Variants in GJA1 observed in about 807,000 individuals in gnomAD.
GJA1 encodes gap junction protein alpha 1, also known as gap junction alpha-1 protein.
In GJA1, 9 loss-of-function variants were observed where a neutral mutation model predicts 31.0. The ratio of observed to expected loss-of-function variants is 0.29; its 90% CI spans 0.17 to 0.51. The LOEUF is 0.51. Ranked by LOEUF, GJA1 falls within the 20% of genes least tolerant of loss-of-function variation. The pLI is 0.98. For missense variants in GJA1, 278 were observed against 468.8 expected (o/e 0.59, Z 3.76); for synonymous variants, 186 against 180.1 (o/e 1.03, Z -0.26).
rs2114284104 is a variant in GJA1, at chr6:121,447,575, A to G, written c.728A>G (p.Lys243Arg). The change falls in exon 2 of 2, where the codon AAG becomes AGG. Residue 243 changes from lysine to arginine, a missense_variant. Transcript: ENST00000282561. ...GGCGTTAAGGATCGGGTTAAGGGAA[A>G]GAGCGACCCTTACCATGCGACCAGT... ...FKGVKDRVKGKSDPYHATSGA... is the reference protein window; with the variant it reads ...FKGVKDRVKGRSDPYHATSGA... 4.3e-6 allele frequency: 7 copies of G among 1,614,080 alleles called. No individual in the cohort carries two copies. Among genetic ancestry groups the G allele is most frequent in the Non-Finnish European group, 5.9e-6 (7 of 1,179,982 alleles).
At chr6:121,436,184 T>TGGGGGG (rs11333433) in intron 1 of GJA1, among the ~76,000 whole-genome samples, 2 of 29,888 alleles carry the variant, frequency 6.7e-5, no homozygotes, top group Non-Finnish European at 1.5e-4. Context: ...ATTTGTTGGG[T>TGGGGGG]GGGGGGGGGG....
chr6:121,440,063 A>G (rs1773743045), intron 1 of GJA1, among the ~76,000 whole-genome samples: 1 of 152,174 alleles, frequency 6.6e-6, no homozygotes, highest in African/African-American at 2.4e-5. Context: ...GCCTTCCCCG[A>G]TATTTATCAT....
rs781504444 is a variant in GJA1 at position 121,447,632 on chromosome 6, C to G, written c.785C>G (p.Ser262Cys). ...GALSPAKDCG[S>C]QKYAYFNGCS... Reference sequence around the variant, plus strand: ...CTGAGCCCTGCCAAAGACTGTGGGTCTCAAAAATATGCTTATTTCAATGGC... The same window carrying G: ...CTGAGCCCTGCCAAAGACTGTGGGTGTCAAAAATATGCTTATTTCAATGGC... The change falls in exon 2 of 2, where the codon TCT (serine) becomes TGT (cysteine). Residue 262 changes from serine (S) to cysteine (C), a missense_variant. Coordinates refer to ENST00000282561, the MANE Select transcript of GJA1 (RefSeq NM_000165.5). 1.2e-6 allele frequency: 2 copies of G among 1,613,978 alleles called. No individual in the cohort carries two copies. Among genetic ancestry groups the G allele is most frequent in the Non-Finnish European group, 1.7e-6 (2 of 1,179,964 alleles).
intron 1 of GJA1, among the ~76,000 whole-genome samples, chr6:121,438,358 CCTT>C (rs1773704850): frequency 6.6e-6 from 1 of 152,176 alleles, no homozygotes; most frequent in African/African-American, 2.4e-5. Flanking sequence ...CTGTCACCCT[CCTT>C]GGGAAACATG....
chr6:121,436,745 C>T (rs1220442991), intron 1 of GJA1, among the ~76,000 whole-genome samples: 4 of 152,186 alleles, frequency 2.6e-5, no homozygotes, highest in Non-Finnish European at 4.4e-5. Flanking sequence ...GGAGCTCCCC[C>T]CGCCAACACC....
In GJA1 at chr6:121,447,779, C is replaced by T; in HGVS notation, c.932C>T (p.Ala311Val). Reference protein sequence around the residue: ...YNKQASEQNWANYSAEQNRMG... With the variant: ...YNKQASEQNWVNYSAEQNRMG... ...AAGCAAGCAAGTGAGCAAAACTGGG[C>T]TAATTACAGTGCAGAACAAAATCGA... The change falls in exon 2 of 2, where the codon GCT (alanine) becomes GTT (valine). Residue 311 changes from alanine (A) to valine (V), a missense_variant. Ala to Val is a moderately conservative substitution (Grantham distance 64). This residue lies in a region of GJA1 where 172 missense variants were observed against 190.9 expected (regional missense o/e 0.90). Coordinates refer to ENST00000282561, the MANE Select transcript of GJA1 (RefSeq NM_000165.5). The T allele has an allele frequency of 6.3e-7, 1 of 1,583,100 alleles. No homozygotes were observed.
chr6:121,448,266 A>G lies in GJA1; in HGVS notation c.*270A>G, dbSNP rs1215953905. On this transcript the variant is annotated 3_prime_UTR_variant, in exon 2 of 2. Transcript: ENST00000282561. ...TTAGATTATAAATAAGAGTTCCATTAGGTGATACATAGATAAGGGCTTTTT... is the reference window on the plus strand; with the variant it reads ...TTAGATTATAAATAAGAGTTCCATTGGGTGATACATAGATAAGGGCTTTTT... The G allele has an allele frequency of 3.8e-6, 2 of 521,124 alleles. No homozygotes were observed. Among genetic ancestry groups the G allele is most frequent in the African/African-American group, 3.9e-5 (2 of 51,872 alleles). 32.3% of individuals were successfully genotyped at this position (521,124 alleles called of 1,614,324 possible). A position where few individuals can be genotyped will look rare whatever the true frequency, so the allele number is the denominator to read the frequency against.
chr6:121,445,129 T>C (rs752724829), intron 1 of GJA1, among the ~76,000 whole-genome samples: 1 of 152,194 alleles, frequency 6.6e-6, no homozygotes, highest in Non-Finnish European at 1.5e-5. Flanking sequence ...TAGACAACTT[T>C]GGGGATTCTT....
intron 1 of GJA1, among the ~76,000 whole-genome samples, chr6:121,437,986 G>C (rs888464847): frequency 1.3e-5 from 2 of 152,058 alleles, no homozygotes; most frequent in Non-Finnish European, 1.5e-5. Flanking sequence ...TTAAGCGAGC[G>C]CTCCCCTCCC....
intron 1 of GJA1, among the ~76,000 whole-genome samples, chr6:121,437,309 TAATTA>T (rs1226267872): frequency 6.6e-6 from 1 of 151,420 alleles, no homozygotes; most frequent in Non-Finnish European, 1.5e-5. Flanking sequence ...ATGGTTGATT[TAATTA>T]AAGTTGTCAA....
intron 1 of GJA1, among the ~76,000 whole-genome samples, chr6:121,438,418 G>C (rs1329112915): frequency 1.3e-5 from 2 of 152,230 alleles, no homozygotes; most frequent in Non-Finnish European, 2.9e-5. Flanking sequence ...TGTGCTTTCA[G>C]ATACTGAAGG....
At position 121,447,348 on chromosome 6, in the gene GJA1, G is replaced by A. The variant is rs369139298; in HGVS notation, c.501G>A (p.Val167=). 1 of 1,613,948 alleles carries A rather than the reference G, an allele frequency of 6.2e-7. No homozygotes were observed. The highest frequency in any genetic ancestry group is 1.3e-5 in the African/African-American group (1 of 74,890). Residue 167 remains valine, a synonymous_variant, in exon 2 of 2, where the codon GTG becomes GTA. Transcript: ENST00000282561. ...TCCTCTTCAAGTCTATCTTTGAGGT[G>A]GCCTTCTTGCTGATCCAGTGGTACA... ...ISILFKSIFE[V]AFLLIQWYIY...
chr6:121,435,769 A>C lies in GJA1; in HGVS notation c.-80A>C, dbSNP rs1201054167. On this transcript the variant is annotated 5_prime_UTR_variant, in exon 1 of 2. Transcript: ENST00000282561. ...TCTGAGTGCCTGAACTTGCCTTTTC[A>C]TTTTACTTCATCCTCCAAGGAGTTC... The C allele has an allele frequency of 6.6e-6, 1 of 152,224 alleles. No homozygotes were observed. The highest frequency in any genetic ancestry group is 1.5e-5 in the Non-Finnish European group (1 of 68,040). 9.4% of individuals were successfully genotyped at this position (152,224 alleles called of 1,614,324 possible).
chr6:121,435,893 T>TTA (rs1284639317), intron 1 of GJA1, 61 bp downstream of exon 1: 1 of 152,148 alleles, frequency 6.6e-6, no homozygotes, highest in African/African-American at 2.4e-5. Context: ...AAGTAAAACT[T>TTA]TTCTAAAGTT....
chr6:121,442,294 A>G (rs1211599379), intron 1 of GJA1, among the ~76,000 whole-genome samples: 3 of 152,256 alleles, frequency 2.0e-5, no homozygotes, highest in African/African-American at 7.2e-5. Flanking sequence ...TATTAATGGC[A>G]TGGAAAGACT....
chr6:121,443,886 T>G (rs193201014), intron 1 of GJA1, among the ~76,000 whole-genome samples: 2 of 152,206 alleles, frequency 1.3e-5, no homozygotes, highest in Admixed American at 1.3e-4. Flanking sequence ...GCAATTGAAA[T>G]ATGTGAGCAA....
intron 1 of GJA1, among the ~76,000 whole-genome samples, chr6:121,438,902 T>C (rs1234255966): frequency 6.7e-6 from 1 of 149,240 alleles, no homozygotes; most frequent in Non-Finnish European, 1.5e-5. Context: ...TTTCAAACTG[T>C]GGTTAGCTCT....
chr6:121,439,435 T>G (rs1023389071), intron 1 of GJA1, among the ~76,000 whole-genome samples: 3 of 152,170 alleles, frequency 2.0e-5, no homozygotes, highest in Non-Finnish European at 4.4e-5. Flanking sequence ...GAGGTGGAAG[T>G]AAGAGTAGGG....
intron 1 of GJA1, among the ~76,000 whole-genome samples, chr6:121,444,651 C>T (rs759436338): frequency 6.6e-6 from 1 of 152,158 alleles, no homozygotes; most frequent in Admixed American, 6.6e-5. Context: ...AAGAGAAACT[C>T]CTTTATATTC....
Sources: allele counts gnomAD v4.1 joint callset (sites outside exome capture counted in the v4.1 genomes callset), GRCh38; gene constraint gnomAD v4.1.1; regional missense constraint gnomAD v4.1.1; transcripts MANE v1.5; gene names NCBI Gene and HGNC (gene_info 2026-07-23, HGNC 2026-07-21).